PALM2AKAP2: variants seen among roughly 807,000 people sequenced by gnomAD.
PALM2AKAP2 encodes the protein PALM2-AKAP2 fusion protein.
Under a neutral mutation model 71.5 loss-of-function variants are expected in PALM2AKAP2, and 37 were observed. The ratio of observed to expected loss-of-function variants is 0.52; its 90% CI spans 0.40 to 0.68. The LOEUF is 0.68. PALM2AKAP2 is among the 30% of genes least tolerant of loss of function. The pLI is 0.00. For missense variants in PALM2AKAP2, 1,224 were observed against 1,191.8 expected, an observed-to-expected ratio of 1.03 and a Z score of -0.40; for synonymous variants, 468 against 478.8, an observed-to-expected ratio of 0.98 and a Z score of 0.29.
At chr9:109,942,973 A>G (rs777355516) in intron 6 of PALM2AKAP2, 2 of 1,614,184 alleles carry the variant, frequency 1.2e-6, no homozygotes, top group Non-Finnish European at 1.7e-6. Context: ...TGGGAGCCTC[A>G]GCCATCCCAA....
chr9:109,845,103 T>A (rs1828819318), intron 1 of PALM2AKAP2, among the ~76,000 whole-genome samples: 1 of 152,244 alleles, frequency 6.6e-6, no homozygotes, highest in Non-Finnish European at 1.5e-5. Context: ...TACAGCTGCC[T>A]CTGCTTACTA....
chr9:110,054,294 G>A (rs1833783283), intron 1 of PALM2AKAP2, among the ~76,000 whole-genome samples: 1 of 152,168 alleles, frequency 6.6e-6, no homozygotes, highest in South Asian at 2.1e-4. Context: ...AGCTACTCAG[G>A]AGGCTGAGGC....
chr9:109,832,705 C>T lies in PALM2AKAP2; in HGVS notation c.46-34786C>T, dbSNP rs374057603. Among the ~76,000 whole-genome samples, 4 of 152,290 alleles carry T rather than the reference C, an allele frequency of 2.6e-5. No homozygotes were observed. The South Asian group carries it at 8.3e-4, about 32-fold the overall frequency. On this transcript the variant is annotated intron_variant, in intron 1 of 9. Transcript: ENST00000302798. Reference sequence around the variant, plus strand: ...TCCAGAAAACTTCTCAGCCATAGTGCCAAAGAACATTATCAGACCCAATTC... The same window carrying T: ...TCCAGAAAACTTCTCAGCCATAGTGTCAAAGAACATTATCAGACCCAATTC...
intron 1 of PALM2AKAP2, among the ~76,000 whole-genome samples, chr9:109,802,218 G>T (rs186107852): frequency 1.3e-5 from 2 of 152,302 alleles, no homozygotes; most frequent in East Asian, 1.9e-4. Flanking sequence ...TTAAAATAAT[G>T]CTGTATAACT....
intron 1 of PALM2AKAP2, among the ~76,000 whole-genome samples, chr9:109,833,937 G>C (rs985681256): frequency 6.6e-6 from 1 of 152,194 alleles, no homozygotes; most frequent in African/African-American, 2.4e-5. Context: ...TGATGGCCGG[G>C]CACAGTGGCT....
Position 110,117,973 on chromosome 9 carries a change from TTGTGTGTGTG to T in PALM2AKAP2, c.157-18126_157-18117del, listed in dbSNP as rs1171400897. ...GATACATATATATATATATGTCGTTTTGTGTGTGTGTGTGTGTGTGTGTGTGTGTGTGTGT... is the reference window on the plus strand; with the variant it reads ...GATACATATATATATATATGTCGTTTTGTGTGTGTGTGTGTGTGTGTGTGT... On this transcript the variant is annotated intron_variant, in intron 1 of 3. Transcript: ENST00000374525. Among the ~76,000 whole-genome samples, 15 of 138,558 alleles carry T rather than the reference TTGTGTGTGTG, an allele frequency of 1.1e-4. 1 individual carries two copies. The highest frequency in any genetic ancestry group is 4.7e-4 in the South Asian group (2 of 4,262). 90.9% of individuals were successfully genotyped at this position (138,558 alleles called of 152,430 possible). A position where few individuals can be genotyped will look rare whatever the true frequency, so the allele number is the denominator to read the frequency against.
chr9:109,937,397 G>A (rs1328099651), intron 6 of PALM2AKAP2, among the ~76,000 whole-genome samples: 10 of 152,098 alleles, frequency 6.6e-5, no homozygotes, highest in Admixed American at 6.6e-4. Context: ...TAGGGAGCAA[G>A]AACCAAGAAA....
At chr9:109,941,756 A>T (rs1364880291) in intron 6 of PALM2AKAP2, among the ~76,000 whole-genome samples, 1 of 152,212 alleles carries the variant, frequency 6.6e-6, no homozygotes, top group East Asian at 1.9e-4. Flanking sequence ...TAGCAACCCC[A>T]GACTGGCAGC....
At chr9:109,762,070 TGCTTTTACACTGTTGGTGG>T (rs1293687536) in intron 1 of PALM2AKAP2, among the ~76,000 whole-genome samples, 25 of 152,096 alleles carry the variant, frequency 1.6e-4, no homozygotes, top group African/African-American at 5.5e-4. Flanking sequence ...AAAATAGGAA[TGCTTTTACACTGTTGGTGG>T]GAGTGTAAAT....
intron 1 of PALM2AKAP2, among the ~76,000 whole-genome samples, chr9:109,686,694 T>C (rs1827810128): frequency 6.6e-6 from 1 of 152,188 alleles, no homozygotes; most frequent in African/African-American, 2.4e-5. Flanking sequence ...TTTTTTATTA[T>C]ACTTTAAGTT....
intron 7 of PALM2AKAP2, among the ~76,000 whole-genome samples, chr9:110,039,954 G>A (rs1201690059): frequency 6.6e-6 from 1 of 151,750 alleles, no homozygotes; most frequent in African/African-American, 2.4e-5. Flanking sequence ...AACAAGAAAA[G>A]GAAGGAAGGG....
intron 2 of PALM2AKAP2, among the ~76,000 whole-genome samples, chr9:110,141,656 T>G (rs79374719): frequency 0.02 from 3,021 of 152,196 alleles, 108 homozygotes; most frequent in African/African-American, 0.069. Flanking sequence ...TGAATGGAGG[T>G]GTTACCAAGT....
intron 1 of PALM2AKAP2, chr9:110,127,878 T>C (rs571235692): frequency 6.6e-6 from 1 of 152,394 alleles, no homozygotes; most frequent in South Asian, 2.1e-4. Flanking sequence ...TTATGGGAAC[T>C]GGTACTCACT....
At chr9:109,920,421 A>T (rs1186847834) in intron 3 of PALM2AKAP2, among the ~76,000 whole-genome samples, 13 of 150,568 alleles carry the variant, frequency 8.6e-5, no homozygotes, top group Non-Finnish European at 1.6e-4. Context: ...GCCCAGGCTG[A>T]AGTGCAGTGG....
At chr9:109,739,422 A>G (rs1046998256) in intron 1 of PALM2AKAP2, among the ~76,000 whole-genome samples, 4 of 152,236 alleles carry the variant, frequency 2.6e-5, no homozygotes, top group African/African-American at 4.8e-5. Context: ...GTCATGACTG[A>G]AGGCTTTACT....
chr9:109,953,046 A>G (rs921877590), intron 6 of PALM2AKAP2, among the ~76,000 whole-genome samples: 3 of 152,260 alleles, frequency 2.0e-5, no homozygotes, highest in African/African-American at 7.2e-5. Context: ...GAACTAGTAT[A>G]GAAAGGGAAG....
intron 1 of PALM2AKAP2, among the ~76,000 whole-genome samples, chr9:109,647,698 T>C (rs1827173504): frequency 6.6e-6 from 1 of 152,236 alleles, no homozygotes; most frequent in Non-Finnish European, 1.5e-5. Context: ...GTGCTCTTGC[T>C]CTGTCTACTT....
chr9:110,138,221 G>A (rs1835941550), exon 2 of PALM2AKAP2: 4 of 1,614,086 alleles, frequency 2.5e-6, no homozygotes, highest in Non-Finnish European at 3.4e-6. Flanking sequence ...GCCACTGCCA[G>A]CTGTGCAGCC....
chr9:109,791,573 T>C (rs1827112832), intron 1 of PALM2AKAP2, among the ~76,000 whole-genome samples: 1 of 152,200 alleles, frequency 6.6e-6, no homozygotes, highest in Non-Finnish European at 1.5e-5. Flanking sequence ...ATGTAGCTTT[T>C]CTTAAGGGGT....
Sources: gnomAD v4.1 joint callset for allele counts (sites outside exome capture counted in the v4.1 genomes callset) on GRCh38, gnomAD v4.1.1 for gene constraint, MANE v1.5 for transcripts, NCBI Gene and HGNC (gene_info 2026-07-23, HGNC 2026-07-21) for gene names.